PDE4D: variants seen among roughly 807,000 people sequenced by gnomAD.
The protein encoded by PDE4D is 3',5'-cyclic-AMP phosphodiesterase 4D.
In PDE4D, 24 loss-of-function variants were observed where a neutral mutation model predicts 87.4. The ratio of observed to expected loss-of-function variants is 0.27; its 90% confidence interval spans 0.20 to 0.39. The LOEUF is 0.39. Ranked by LOEUF, PDE4D falls within the 10% of genes least tolerant of loss-of-function variation. The probability of loss-of-function intolerance (pLI) is 1.00; values close to 1 mark genes in which losing one functional copy is unlikely to be tolerated. For synonymous variants in PDE4D, 384 were observed against 383.2 expected, an observed-to-expected ratio of 1.00 and a Z score of -0.02; for missense variants, 714 against 1,041.0, an observed-to-expected ratio of 0.69 and a Z score of 4.32.
At chr5:60,143,603 T>TTTTGTGTGTGTGTGTGTGTGTGTGTG (rs1780730543) in intron 2 of PDE4D, among the ~76,000 whole-genome samples, 9 of 117,692 alleles carry the variant, frequency 7.6e-5, no homozygotes, top group African/African-American at 3.0e-4. Flanking sequence ...AGCTTGGGAA[T>TTTTGTGTGTGTGTGTGTGTGTGTGTG]TGTGTGTGTG....
intron 1 of PDE4D, among the ~76,000 whole-genome samples, chr5:59,386,256 T>C (rs979798748): frequency 6.6e-6 from 1 of 152,140 alleles, no homozygotes; most frequent in Non-Finnish European, 1.5e-5. Flanking sequence ...AAGAACATTT[T>C]CCAAACTGTT....
At chr5:59,480,378 T>C (rs7711639) in intron 1 of PDE4D, among the ~76,000 whole-genome samples, 33,427 of 152,072 alleles carry the variant, frequency 0.22, 4,457 homozygotes, top group African/African-American at 0.37. Flanking sequence ...CATATTACAA[T>C]GAAGATAATG....
chr5:59,490,029 T>C (rs933106679), intron 1 of PDE4D, among the ~76,000 whole-genome samples: 4 of 152,314 alleles, frequency 2.6e-5, no homozygotes, highest in African/African-American at 9.6e-5. Context: ...ATTTTAATTG[T>C]TTATTACTTC....
chr5:60,328,030 C>G (rs952980995), intron 1 of PDE4D, among the ~76,000 whole-genome samples: 1 of 152,090 alleles, frequency 6.6e-6, no homozygotes, highest in South Asian at 2.1e-4. Context: ...AGAATCTTTC[C>G]TCTGACCTCA....
At chr5:59,799,483 C>T (rs1174720097) in intron 1 of PDE4D, among the ~76,000 whole-genome samples, 1 of 152,130 alleles carries the variant, frequency 6.6e-6, no homozygotes, top group Non-Finnish European at 1.5e-5. Context: ...ACCTGAAATG[C>T]AGGTTTGGTT....
intron 1 of PDE4D, among the ~76,000 whole-genome samples, chr5:59,752,056 C>A (rs976403484): frequency 8.5e-5 from 13 of 152,144 alleles, no homozygotes; most frequent in Admixed American, 2.6e-4. Context: ...TAAATTCCAA[C>A]CACTCTTTAT....
chr5:59,667,828 G>A (rs147570221), intron 1 of PDE4D, among the ~76,000 whole-genome samples: 3 of 152,206 alleles, frequency 2.0e-5, no homozygotes, highest in Non-Finnish European at 2.9e-5. Context: ...ATGTTCCCAC[G>A]AAACCATTCA....
intron 5 of PDE4D, among the ~76,000 whole-genome samples, chr5:59,054,830 A>G (rs1762114300): frequency 6.6e-6 from 1 of 152,194 alleles, no homozygotes; most frequent in African/African-American, 2.4e-5. Flanking sequence ...GTTTGAAAAC[A>G]CTGAGGTAAG....
intron 2 of PDE4D, among the ~76,000 whole-genome samples, chr5:60,137,340 G>T (rs1001630623): frequency 2.6e-5 from 4 of 152,156 alleles, no homozygotes; most frequent in Admixed American, 2.6e-4. Context: ...TGGGTTAAAT[G>T]ATATTTCTGC....
intron 1 of PDE4D, among the ~76,000 whole-genome samples, chr5:59,303,369 G>T (rs1350686796): frequency 6.6e-6 from 1 of 151,958 alleles, no homozygotes; most frequent in South Asian, 2.1e-4. Flanking sequence ...TGTTCCTTTT[G>T]CCCTGCAAAA....
At chr5:59,044,005 A>G (rs1403983372) in intron 5 of PDE4D, among the ~76,000 whole-genome samples, 2 of 152,114 alleles carry the variant, frequency 1.3e-5, no homozygotes, top group Non-Finnish European at 2.9e-5. Context: ...GAATAGTGCC[A>G]CAATAAACAT....
At chr5:59,916,925 C>G (rs531507040) in intron 3 of PDE4D, among the ~76,000 whole-genome samples, 1 of 149,948 alleles carries the variant, frequency 6.7e-6, no homozygotes, top group African/African-American at 2.5e-5. Flanking sequence ...GTAGCTGGGA[C>G]CACAGGGGTG....
chr5:59,922,934 G>A (rs191309036), intron 3 of PDE4D, among the ~76,000 whole-genome samples: 215 of 152,138 alleles, frequency 1.4e-3, no homozygotes, highest in Non-Finnish European at 2.4e-3. Flanking sequence ...CCTGGCTCTC[G>A]GACAGCAGTT....
intron 1 of PDE4D, among the ~76,000 whole-genome samples, chr5:59,647,473 A>AT (rs1742669284): frequency 8.5e-5 from 1 of 11,736 alleles, no homozygotes; most frequent in African/African-American, 1.7e-4. Flanking sequence ...TTTTTTTTTT[A>AT]ATTAAAATAG....
intron 5 of PDE4D, among the ~76,000 whole-genome samples, chr5:59,092,595 A>C (rs1267580259): frequency 6.6e-6 from 1 of 152,192 alleles, no homozygotes. Flanking sequence ...CTGCTTAAGC[A>C]ATTTGTAGGA....
At chr5:60,120,762 A>C (rs957140424) in intron 2 of PDE4D, among the ~76,000 whole-genome samples, 8 of 152,152 alleles carry the variant, frequency 5.3e-5, no homozygotes, top group Non-Finnish European at 1.2e-4. Context: ...ATCAACCTGC[A>C]GCAACGGTTG....
chr5:60,058,251 T>A (rs2152885468), intron 2 of PDE4D, among the ~76,000 whole-genome samples: 1 of 152,078 alleles, frequency 6.6e-6, no homozygotes, highest in Non-Finnish European at 1.5e-5. Context: ...GTGAAATAAA[T>A]AGTGTGCTAA....
chr5:60,415,750 C>A (rs6875189), intron 1 of PDE4D, among the ~76,000 whole-genome samples: 22,891 of 152,286 alleles, frequency 0.15, 1,898 homozygotes, highest in African/African-American at 0.2. Context: ...AGCGCTGCCC[C>A]CTGCTCCAGG....
intron 2 of PDE4D, among the ~76,000 whole-genome samples, chr5:60,171,111 G>A (rs1783388350): frequency 2.0e-5 from 3 of 151,972 alleles, no homozygotes; most frequent in Admixed American, 2.0e-4. Context: ...ACCAAAGATG[G>A]AATGACTACA....
Sources: gnomAD v4.1 joint callset for allele counts (sites outside exome capture counted in the v4.1 genomes callset) on GRCh38, gnomAD v4.1.1 for gene constraint, MANE v1.5 for transcripts, NCBI Gene and HGNC (gene_info 2026-07-23, HGNC 2026-07-21) for gene names.